The following TRAF1 variants were observed in gnomAD, a reference collection of about 807,000 sequenced individuals.
TRAF1 encodes the protein TNF receptor-associated factor 1.
Under a neutral mutation model 40.9 loss-of-function variants are expected in TRAF1, and 23 were observed. The observed-to-expected ratio is 0.56, with a 90% CI of 0.40 to 0.80. The LOEUF (loss-of-function observed/expected upper bound fraction) is 0.80. Among genes scored for constraint, TRAF1 ranks in the 30% least tolerant of loss-of-function variants. The pLI, the probability that TRAF1 is intolerant of heterozygous loss-of-function variation, is 0.00. For synonymous variants in TRAF1, 206 were observed against 218.8 expected, an observed-to-expected ratio of 0.94 and a Z score of 0.52; for missense variants, 477 against 528.7, an observed-to-expected ratio of 0.90 and a Z score of 0.96.
At chr9:120,910,719 A>T (rs1030841109) in intron 6 of TRAF1, among the ~76,000 whole-genome samples, 1 of 152,220 alleles carries the variant, frequency 6.6e-6, no homozygotes, top group Non-Finnish European at 1.5e-5. Context: ...TTTTGCACAA[A>T]TATATGCACT....
rs1392712673 is a variant in TRAF1 at position 120,903,511 on chromosome 9, T to C, written c.*1509A>G. The C allele has an allele frequency of 6.6e-6, 1 of 152,284 alleles. No individual in the cohort carries two copies. The highest frequency in any genetic ancestry group is 1.9e-4 in the East Asian group (1 of 5,198). The allele number at this position is 152,284 out of a possible 1,614,324, so 9.4% of individuals were successfully genotyped here. ...ACAGGAAGGGCTACTGACCCATTTT[T>C]ATAGAAGCAACCCTAACGATTTGAG... On this transcript the variant is annotated 3_prime_UTR_variant, in exon 8 of 8. Coordinates refer to ENST00000373887, the MANE Select transcript of TRAF1 (RefSeq NM_005658.5).
At chr9:120,915,690 C>T (rs2046564570) in intron 3 of TRAF1, among the ~76,000 whole-genome samples, 1 of 151,856 alleles carries the variant, frequency 6.6e-6, no homozygotes, top group South Asian at 2.1e-4. Context: ...TTTTAATTAG[C>T]AGTCTTGGTG....
intron 5 of TRAF1, among the ~76,000 whole-genome samples, 192 bp downstream of exon 5, chr9:120,913,136 G>A (rs1392753759): frequency 6.6e-6 from 1 of 152,194 alleles, no homozygotes; most frequent in African/African-American, 2.4e-5. Context: ...AGCACTGGAT[G>A]GGAGGTTATG....
At chr9:120,913,903 G>T (rs1045370235) in intron 4 of TRAF1, among the ~76,000 whole-genome samples, 165 bp from the exon 5 acceptor site, 3 of 152,224 alleles carry the variant, frequency 2.0e-5, no homozygotes, top group Non-Finnish European at 4.4e-5. Flanking sequence ...CCTGGCATCA[G>T]ACATGCCCAC....
At chr9:120,920,798 G>A (rs933953307) in intron 3 of TRAF1, among the ~76,000 whole-genome samples, 3 of 152,226 alleles carry the variant, frequency 2.0e-5, no homozygotes, top group African/African-American at 4.8e-5. Context: ...CATGGGAAGT[G>A]TTTGCAAGGA....
At chr9:120,913,260 T>G (rs2046541847) in intron 5 of TRAF1, 68 bp downstream of exon 5, 2 of 1,510,180 alleles carry the variant, frequency 1.3e-6, no homozygotes, top group Non-Finnish European at 1.8e-6. Context: ...GGAGGAAGCC[T>G]GTCTGCCGCT....
intron 4 of TRAF1, among the ~76,000 whole-genome samples, chr9:120,913,952 C>T (rs937240578): frequency 1.3e-5 from 2 of 152,156 alleles, no homozygotes. Flanking sequence ...TTCTGCCCTG[C>T]CCTGGAGTGC....
chr9:120,920,265 T>C (rs2046596550), intron 3 of TRAF1, among the ~76,000 whole-genome samples: 1 of 152,100 alleles, frequency 6.6e-6, no homozygotes, highest in Non-Finnish European at 1.5e-5. Flanking sequence ...CAGACAGACT[T>C]CAGCTCAGTA....
Position 120,905,216 on chromosome 9 carries a change from TG to T in TRAF1, c.1054del (p.Gln352ArgfsTer15). On this transcript the variant is annotated frameshift_variant, in exon 8 of 8. Coordinates refer to ENST00000373887, the MANE Select transcript of TRAF1 (RefSeq NM_005658.5). LOFTEE classifies it high-confidence loss of function. ...GTCAATGGCGTGCTCACGGTTGTTC[TG>T]GTCCAGCAGCATGAAGGTGACCTGC... The part of the protein sequence containing the change: ...RNKVTFMLLD[Q>X]NNREHAIDAF... 1 of 1,612,440 alleles carries T rather than the reference TG, an allele frequency of 6.2e-7. No homozygotes were observed. The highest frequency in any genetic ancestry group is 8.5e-7 in the Non-Finnish European group (1 of 1,179,214).
chr9:120,913,267 C>T (rs1324085281), intron 5 of TRAF1, 61 bp downstream of exon 5: 36 of 1,518,208 alleles, frequency 2.4e-5, no homozygotes, highest in East Asian at 6.9e-5. Flanking sequence ...GCCTGTCTGC[C>T]GCTCTGGAGA....
intron 6 of TRAF1, among the ~76,000 whole-genome samples, chr9:120,910,813 C>A (rs1333211738): frequency 1.3e-5 from 2 of 152,206 alleles, no homozygotes; most frequent in African/African-American, 4.8e-5. Flanking sequence ...AGCCCAGGGG[C>A]CCCAGAAATG....
intron 3 of TRAF1, 115 bp from the exon 4 acceptor site, chr9:120,914,415 T>C (rs2046555257): frequency 2.4e-6 from 3 of 1,270,300 alleles, no homozygotes; most frequent in Non-Finnish European, 3.0e-6. Flanking sequence ...CACATGACTT[T>C]GCACACTGCT....
At chr9:120,909,175 T>C in intron 7 of TRAF1, 55 bp downstream of exon 7, 1 of 1,587,728 alleles carries the variant, frequency 6.3e-7, no homozygotes, top group South Asian at 1.1e-5. Context: ...AAACCAGGAC[T>C]AGGACTCAGG....
chr9:120,912,065 A>T (rs995295105), intron 5 of TRAF1, among the ~76,000 whole-genome samples: 2 of 152,226 alleles, frequency 1.3e-5, no homozygotes, highest in African/African-American at 2.4e-5. Flanking sequence ...TAAAATGGAA[A>T]GAATATAAAT....
intron 3 of TRAF1, among the ~76,000 whole-genome samples, chr9:120,918,257 A>T (rs1220972190): frequency 1.3e-5 from 2 of 152,152 alleles, no homozygotes; most frequent in Admixed American, 6.5e-5. Flanking sequence ...CTGGGGATTC[A>T]CATGTGGACA....
chr9:120,918,025 T>C (rs1330505931), intron 3 of TRAF1, among the ~76,000 whole-genome samples: 2 of 151,956 alleles, frequency 1.3e-5, no homozygotes, highest in African/African-American at 4.8e-5. Flanking sequence ...GAAGGGGAAA[T>C]TTGAAGAAGG....
chr9:120,923,469 T>C (rs2046618040), intron 3 of TRAF1, among the ~76,000 whole-genome samples: 1 of 152,186 alleles, frequency 6.6e-6, no homozygotes, highest in Admixed American at 6.5e-5. Context: ...GAACCGTAGT[T>C]TGTGGACCCC....
At chr9:120,914,391 G>T in intron 3 of TRAF1, 91 bp from the exon 4 acceptor site, 1 of 1,292,966 alleles carries the variant, frequency 7.7e-7, no homozygotes. Context: ...ACCAGGGCAG[G>T]AGATGGCTTG....
At chr9:120,912,220 C>T (rs1236978400) in intron 5 of TRAF1, among the ~76,000 whole-genome samples, 1 of 152,094 alleles carries the variant, frequency 6.6e-6, no homozygotes, top group African/African-American at 2.4e-5. Context: ...GCTCTGATCA[C>T]CTGCTGTAAT....
Sources: gnomAD v4.1 joint callset for allele counts (sites outside exome capture counted in the v4.1 genomes callset) on GRCh38, gnomAD v4.1.1 for gene constraint, MANE v1.5 for transcripts, NCBI Gene and HGNC (gene_info 2026-07-23, HGNC 2026-07-21) for gene names.